The following POU6F2 variants were observed in gnomAD, a reference collection of about 807,000 sequenced individuals.
POU6F2 encodes the protein POU domain, class 6, transcription factor 2.
A neutral mutation model predicts 71.3 loss-of-function variants in POU6F2; 31 were observed. The observed-to-expected ratio is 0.43, with a 90% CI of 0.33 to 0.59. The LOEUF is 0.59. Ranked by LOEUF, POU6F2 falls within the 20% of genes least tolerant of loss-of-function variation. The probability of loss-of-function intolerance (pLI) is 0.04; values close to 1 mark genes in which losing one functional copy is unlikely to be tolerated. For missense variants in POU6F2, 783 were observed against 856.8 expected (o/e 0.91, Z 1.07); for synonymous variants, 347 against 355.7 (o/e 0.98, Z 0.27).
intron 4 of POU6F2, among the ~76,000 whole-genome samples, chr7:39,277,833 C>T (rs374477761): frequency 6.5e-4 from 99 of 151,980 alleles, no homozygotes; most frequent in Middle Eastern, 6.8e-3. Context: ...CCATGGCGGG[C>T]GAATCACAAG....
At chr7:39,426,095 C>T (rs1352356443) in intron 6 of POU6F2, among the ~76,000 whole-genome samples, 2 of 152,200 alleles carry the variant, frequency 1.3e-5, no homozygotes, top group African/African-American at 4.8e-5. Context: ...GAAAGGGTAG[C>T]CGGCCCCTCC....
intron 5 of POU6F2, among the ~76,000 whole-genome samples, chr7:39,357,108 T>C (rs1286996706): frequency 6.6e-6 from 1 of 152,124 alleles, no homozygotes; most frequent in Non-Finnish European, 1.5e-5. Context: ...CATAAACATA[T>C]TATAAAGAAG....
chr7:39,223,662 T>C (rs934771001), intron 4 of POU6F2, among the ~76,000 whole-genome samples: 1 of 152,200 alleles, frequency 6.6e-6, no homozygotes, highest in African/African-American at 2.4e-5. Context: ...TTGAGAGCTA[T>C]CTAAATCCCT....
At chr7:39,356,721 C>T (rs1425798074) in intron 5 of POU6F2, among the ~76,000 whole-genome samples, 2 of 152,086 alleles carry the variant, frequency 1.3e-5, no homozygotes, top group Admixed American at 6.5e-5. Flanking sequence ...ACGAAGATAA[C>T]GATGACTAAT....
chr7:39,069,813 C>G (rs1168264738), intron 1 of POU6F2, among the ~76,000 whole-genome samples: 1 of 152,122 alleles, frequency 6.6e-6, no homozygotes. Flanking sequence ...GTCCTCTTCA[C>G]TTTGAGTAGG....
intron 1 of POU6F2, among the ~76,000 whole-genome samples, chr7:38,981,351 A>C (rs17171505): frequency 0.088 from 13,420 of 151,772 alleles, 659 homozygotes; most frequent in East Asian, 0.12. Context: ...GTTTTTTCTC[A>C]TCTCATACAG....
intron 2 of POU6F2, among the ~76,000 whole-genome samples, chr7:39,149,885 CT>C (rs70977463): frequency 0.44 from 61,924 of 142,162 alleles, 13,244 homozygotes; most frequent in East Asian, 0.68. Context: ...GCAAGATTTC[CT>C]TTTTTTTTTT....
At chr7:39,410,974 A>G (rs1190878145) in intron 6 of POU6F2, among the ~76,000 whole-genome samples, 1 of 152,212 alleles carries the variant, frequency 6.6e-6, no homozygotes. Context: ...ACCGGGTCCT[A>G]GGACTAAAGT....
At chr7:39,144,774 T>G (rs1334158448) in intron 2 of POU6F2, among the ~76,000 whole-genome samples, 1 of 152,250 alleles carries the variant, frequency 6.6e-6, no homozygotes, top group African/African-American at 2.4e-5. Context: ...GTAATTATTA[T>G]AGCAAATCCT....
intron 4 of POU6F2, among the ~76,000 whole-genome samples, chr7:39,251,651 C>A (rs1484978479): frequency 6.6e-6 from 1 of 152,140 alleles, no homozygotes; most frequent in East Asian, 1.9e-4. Flanking sequence ...AGACATCTCC[C>A]CAGCCCAGCT....
chr7:39,349,976 G>A (rs1312670113), intron 5 of POU6F2, among the ~76,000 whole-genome samples: 1 of 152,262 alleles, frequency 6.6e-6, no homozygotes, highest in East Asian at 1.9e-4. Flanking sequence ...CTTCATGGCC[G>A]CAGATGAATG....
chr7:39,446,770 C>G (rs901182358), intron 7 of POU6F2, among the ~76,000 whole-genome samples: 1 of 152,240 alleles, frequency 6.6e-6, no homozygotes, highest in Non-Finnish European at 1.5e-5. Flanking sequence ...TCCTCCTCCT[C>G]TGGAAAATCC....
At chr7:39,374,797 A>G (rs919968138) in intron 5 of POU6F2, among the ~76,000 whole-genome samples, 1 of 152,212 alleles carries the variant, frequency 6.6e-6, no homozygotes, top group African/African-American at 2.4e-5. Context: ...AGTCCCAAAC[A>G]GCGGAATATT....
chr7:39,002,136 T>G (rs916195043), intron 1 of POU6F2: 1 of 152,182 alleles, frequency 6.6e-6, no homozygotes, highest in African/African-American at 2.4e-5. Flanking sequence ...CTTTAAACAA[T>G]TTACTCTTGA....
intron 2 of POU6F2, among the ~76,000 whole-genome samples, chr7:39,132,987 C>T (rs1792321035): frequency 6.6e-6 from 1 of 152,148 alleles, no homozygotes; most frequent in South Asian, 2.1e-4. Flanking sequence ...ATGAGATTAC[C>T]TCTTTGACAA....
chr7:39,004,798 G>T (rs1198320357), intron 1 of POU6F2, among the ~76,000 whole-genome samples: 3 of 152,196 alleles, frequency 2.0e-5, no homozygotes, highest in African/African-American at 7.2e-5. Context: ...TCCACCTGCT[G>T]TGCTCCGGGC....
intron 4 of POU6F2, among the ~76,000 whole-genome samples, chr7:39,318,193 C>T (rs1481951339): frequency 6.6e-6 from 1 of 152,064 alleles, no homozygotes; most frequent in East Asian, 1.9e-4. Flanking sequence ...AAGAAATATG[C>T]CTGATTTCTT....
At chr7:39,322,594 C>T (rs978765093) in intron 4 of POU6F2, among the ~76,000 whole-genome samples, 6 of 152,194 alleles carry the variant, frequency 3.9e-5, no homozygotes, top group African/African-American at 1.4e-4. Context: ...AACCACATTT[C>T]ATATACATAT....
intron 1 of POU6F2, among the ~76,000 whole-genome samples, chr7:39,073,281 T>G (rs1790923774): frequency 6.6e-6 from 1 of 152,146 alleles, no homozygotes; most frequent in African/African-American, 2.4e-5. Context: ...AAATATTTAC[T>G]TAAGCCTCTG....
Sources: gnomAD v4.1 joint callset for allele counts (sites outside exome capture counted in the v4.1 genomes callset) on GRCh38, gnomAD v4.1.1 for gene constraint, MANE v1.5 for transcripts, NCBI Gene and HGNC (gene_info 2026-07-23, HGNC 2026-07-21) for gene names.